The following PPP2R5E variants were observed in gnomAD, a reference collection of about 807,000 sequenced individuals.
PPP2R5E encodes serine/threonine-protein phosphatase 2A 56 kDa regulatory subunit epsilon isoform.
In PPP2R5E, 4 loss-of-function variants were observed where a neutral mutation model predicts 65.3. That is an observed-to-expected ratio of 0.06 (90% confidence interval 0.03 to 0.14). PPP2R5E has a LOEUF of 0.14. Ranked by LOEUF, PPP2R5E falls within the 10% of genes least tolerant of loss-of-function variation. The probability of loss-of-function intolerance (pLI) is 1.00; values close to 1 mark genes in which losing one functional copy is unlikely to be tolerated. For synonymous variants in PPP2R5E, 183 were observed against 187.4 expected (o/e 0.98, Z 0.19); for missense variants, 274 against 556.1 (o/e 0.49, Z 5.10).
At chr14:63,424,761 A>G (rs1157172353) in intron 3 of PPP2R5E, among the ~76,000 whole-genome samples, 2 of 152,192 alleles carry the variant, frequency 1.3e-5, no homozygotes, top group Non-Finnish European at 2.9e-5. Flanking sequence ...AAAAAAAAAA[A>G]AAAAGACAGA....
intron 1 of PPP2R5E, among the ~76,000 whole-genome samples, chr14:63,541,695 A>G (rs1476866058): frequency 6.6e-6 from 1 of 152,252 alleles, no homozygotes; most frequent in East Asian, 1.9e-4. Flanking sequence ...CTTCCTGAAC[A>G]CGTGAGAATA....
chr14:63,519,165 G>C (rs1892781039), intron 2 of PPP2R5E, among the ~76,000 whole-genome samples: 1 of 151,996 alleles, frequency 6.6e-6, no homozygotes, highest in Admixed American at 6.6e-5. Flanking sequence ...AGTGAGCCAA[G>C]ATCGTGCCAT....
chr14:63,393,328 A>G (rs147451176), intron 8 of PPP2R5E, among the ~76,000 whole-genome samples: 1 of 152,268 alleles, frequency 6.6e-6, no homozygotes, highest in African/African-American at 2.4e-5. Context: ...AAATATTTCC[A>G]TGATTCTACT....
rs75027501 is a variant in PPP2R5E at position 63,376,860 on chromosome 14, C to T, written c.1305-752G>A. Among the ~76,000 whole-genome samples, 1,197 of 152,154 alleles carry T rather than the reference C, an allele frequency of 7.9e-3. 6 individuals are homozygous for T. The highest frequency in any genetic ancestry group is 0.03 in the East Asian group (155 of 5,188). On this transcript the variant is annotated intron_variant, in intron 13 of 13. Coordinates refer to ENST00000337537, the MANE Select transcript of PPP2R5E (RefSeq NM_006246.5). ...CTGTCTCTGGTTTTTTTCCATGTTG[C>T]AGCGAACCAATAAAAAGCAGACCCA... is the stretch of plus-strand genomic sequence containing the variant.
chr14:63,516,592 C>T (rs538738852), intron 2 of PPP2R5E, among the ~76,000 whole-genome samples: 33 of 152,334 alleles, frequency 2.2e-4, no homozygotes, highest in African/African-American at 3.1e-4. Flanking sequence ...AGGTTAATAG[C>T]GATTTCCTAT....
intron 7 of PPP2R5E, 141 bp from the exon 8 acceptor site, chr14:63,394,069 CCTTTTTT>C: frequency 3.3e-6 from 1 of 306,678 alleles, no homozygotes; most frequent in South Asian, 7.2e-5. Flanking sequence ...TTCAGAATTT[CCTTTTTT>C]TTTTTTTTTT....
chr14:63,532,480 C>T (rs1176771125), intron 2 of PPP2R5E, among the ~76,000 whole-genome samples: 1 of 152,126 alleles, frequency 6.6e-6, no homozygotes, highest in Non-Finnish European at 1.5e-5. Flanking sequence ...GGTTGAAAAA[C>T]GTTTGTGGCT....
intron 2 of PPP2R5E, among the ~76,000 whole-genome samples, chr14:63,504,247 A>C (rs1251104870): frequency 1.3e-5 from 2 of 152,092 alleles, no homozygotes; most frequent in Non-Finnish European, 2.9e-5. Context: ...TTTCTTGGCA[A>C]TCAAAAAAAA....
intron 2 of PPP2R5E, among the ~76,000 whole-genome samples, chr14:63,529,725 C>A (rs1290742635): frequency 6.6e-6 from 1 of 152,114 alleles, no homozygotes; most frequent in Non-Finnish European, 1.5e-5. Flanking sequence ...GGAGGTCCCA[C>A]TGGAGCTAAA....
chr14:63,525,558 A>G (rs1189171132), intron 2 of PPP2R5E, among the ~76,000 whole-genome samples: 1 of 152,118 alleles, frequency 6.6e-6, no homozygotes, highest in Non-Finnish European at 1.5e-5. Flanking sequence ...ACCCAAAGCA[A>G]CTGTTCCTAG....
At chr14:63,540,449 A>G (rs1375324890) in intron 1 of PPP2R5E, among the ~76,000 whole-genome samples, 13 of 133,188 alleles carry the variant, frequency 9.8e-5, no homozygotes, top group Non-Finnish European at 1.7e-4. Context: ...AAAAAAAAAA[A>G]GCCAGGCACA....
Position 63,396,481 on chromosome 14 carries a change from G to A in PPP2R5E, c.680+105C>T, listed in dbSNP as rs1885404579. The A allele has an allele frequency of 3.5e-6, 5 of 1,414,884 alleles. No individual in the cohort carries two copies. In the Admixed American group the frequency reaches 8.0e-5, roughly 23 times the overall value. 87.6% of individuals were successfully genotyped at this position (1,414,884 alleles called of 1,614,324 possible). A position where few individuals can be genotyped will look rare whatever the true frequency, so the allele number is the denominator to read the frequency against. On this transcript the variant is annotated intron_variant, in intron 6 of 13. Coordinates refer to ENST00000337537, the MANE Select transcript of PPP2R5E (RefSeq NM_006246.5). The stretch of plus-strand genomic sequence containing the variant: ...GAATGAAGGAAGGCAGGCAGAAAGG[G>A]AGAAAGAGAAGTCAGTACACCGTTT...
At chr14:63,503,226 G>GCTT (rs1213566489) in intron 2 of PPP2R5E, among the ~76,000 whole-genome samples, 2 of 152,052 alleles carry the variant, frequency 1.3e-5, no homozygotes, top group Non-Finnish European at 2.9e-5. Flanking sequence ...ACTAGACAAA[G>GCTT]CTTCTTGGGA....
intron 2 of PPP2R5E, among the ~76,000 whole-genome samples, chr14:63,455,442 C>A (rs1889063928): frequency 6.6e-6 from 1 of 152,178 alleles, no homozygotes; most frequent in Admixed American, 6.5e-5. Flanking sequence ...TCAGCAAAAA[C>A]AAGTATTGAA....
Position 63,485,987 on chromosome 14 carries a change from G to A in PPP2R5E, c.158-32102C>T, listed in dbSNP as rs143025743. On this transcript the variant is annotated intron_variant, in intron 2 of 13. Coordinates refer to ENST00000337537, the MANE Select transcript of PPP2R5E (RefSeq NM_006246.5). Reference sequence around the variant, plus strand: ...TGGGATTACAGGCATGCGCTACTACGCCCAGCTAATTTTTGTATTTTTAGT... The same window carrying A: ...TGGGATTACAGGCATGCGCTACTACACCCAGCTAATTTTTGTATTTTTAGT... Among the ~76,000 whole-genome samples the A allele has an allele frequency of 2.9e-3, 442 of 151,062 alleles. 1 individual carries two copies. Among genetic ancestry groups the A allele is most frequent in the African/African-American group, 0.01 (417 of 41,124 alleles).
intron 2 of PPP2R5E, among the ~76,000 whole-genome samples, chr14:63,485,255 C>G (rs1048426399): frequency 6.6e-6 from 1 of 151,320 alleles, no homozygotes; most frequent in South Asian, 2.1e-4. Context: ...TGTGAATACC[C>G]TCTTCCATTT....
At chr14:63,513,454 T>G (rs1055276401) in intron 2 of PPP2R5E, among the ~76,000 whole-genome samples, 2 of 152,190 alleles carry the variant, frequency 1.3e-5, no homozygotes, top group African/African-American at 4.8e-5. Context: ...TCATGTTACA[T>G]AAAACTTTGG....
intron 3 of PPP2R5E, among the ~76,000 whole-genome samples, chr14:63,439,135 T>C (rs1004596002): frequency 6.6e-6 from 1 of 152,120 alleles, no homozygotes; most frequent in Non-Finnish European, 1.5e-5. Flanking sequence ...TATTAACCAA[T>C]ATAGACAGGT....
intron 2 of PPP2R5E, among the ~76,000 whole-genome samples, chr14:63,502,892 C>T (rs1373564707): frequency 6.6e-6 from 1 of 152,142 alleles, no homozygotes; most frequent in Non-Finnish European, 1.5e-5. Flanking sequence ...CTTTGCGAGG[C>T]CAAGGCAGGA....
Sources: gnomAD v4.1 joint callset for allele counts (sites outside exome capture counted in the v4.1 genomes callset) on GRCh38, gnomAD v4.1.1 for gene constraint, MANE v1.5 for transcripts, NCBI Gene and HGNC (gene_info 2026-07-23, HGNC 2026-07-21) for gene names.